The following SLC17A1 variants were observed in gnomAD, a reference collection of about 807,000 sequenced individuals.
SLC17A1 encodes solute carrier family 17 member 1.
A neutral mutation model predicts 53.5 loss-of-function variants in SLC17A1; 51 were observed. That is an observed-to-expected ratio of 0.95 (90% CI 0.76 to 1.20). The LOEUF (loss-of-function observed/expected upper bound fraction) is 1.20. SLC17A1 is among the 50% of genes most tolerant of loss of function. The probability of loss-of-function intolerance (pLI) is 0.00; values close to 1 mark genes in which losing one functional copy is unlikely to be tolerated. For synonymous variants in SLC17A1, 179 were observed against 198.8 expected, an observed-to-expected ratio of 0.90 and a Z score of 0.84; for missense variants, 538 against 568.2, an observed-to-expected ratio of 0.95 and a Z score of 0.54.
the SLC17A1 span, among the ~76,000 whole-genome samples, chr6:25,767,671 G>C: frequency 1.4e-4 from 22 of 152,200 alleles, no homozygotes; most frequent in Admixed American, 1.4e-3. Flanking sequence ...AGCATACCTA[G>C]TGGTGTAATG....
chr6:25,771,467 G>A, the SLC17A1 span, among the ~76,000 whole-genome samples: 3 of 151,924 alleles, frequency 2.0e-5, no homozygotes, highest in Non-Finnish European at 4.4e-5. Flanking sequence ...CCAGCTACTC[G>A]GGAGGCTGAG....
At chr6:25,746,408 C>A in the SLC17A1 span, among the ~76,000 whole-genome samples, 32 of 152,194 alleles carry the variant, frequency 2.1e-4, no homozygotes, top group African/African-American at 7.0e-4. Context: ...ATATTCCTGA[C>A]AATAGTTGCT....
chr6:25,790,161 ATCT>A (rs1173385822), intron 12 of SLC17A1, among the ~76,000 whole-genome samples: 1 of 152,180 alleles, frequency 6.6e-6, no homozygotes, highest in Non-Finnish European at 1.5e-5. Context: ...CCCTTAAGTC[ATCT>A]TTGTTCAACT....
At chr6:25,727,397 G>A in the SLC17A1 span, 23 of 966,554 alleles carry the variant, frequency 2.4e-5, no homozygotes, top group East Asian at 5.8e-4. Flanking sequence ...CTAACCGTAA[G>A]GGTTTTTTTT....
At chr6:25,776,569 C>A in the SLC17A1 span, 1 of 1,578,618 alleles carries the variant, frequency 6.3e-7, no homozygotes. Flanking sequence ...AGGGCACATG[C>A]ACCTGACCTA....
the SLC17A1 span, among the ~76,000 whole-genome samples, chr6:25,771,357 T>G: frequency 6.6e-6 from 1 of 152,148 alleles, no homozygotes; most frequent in African/African-American, 2.4e-5. Flanking sequence ...GTGGATCACA[T>G]GAGTCCAGGA....
the SLC17A1 span, among the ~76,000 whole-genome samples, chr6:25,758,049 C>T: frequency 9.9e-5 from 15 of 152,214 alleles, no homozygotes; most frequent in African/African-American, 2.9e-4. Context: ...TGCCGTGGGA[C>T]GTATCACAGC....
the SLC17A1 span, among the ~76,000 whole-genome samples, chr6:25,727,495 C>T: frequency 1.3e-5 from 2 of 151,534 alleles, no homozygotes; most frequent in African/African-American, 4.9e-5. Flanking sequence ...GAGTTCACGC[C>T]ATTCTCCTGC....
intron 12 of SLC17A1, among the ~76,000 whole-genome samples, chr6:25,793,448 A>T (rs1228325080): frequency 6.6e-6 from 1 of 152,152 alleles, no homozygotes; most frequent in Admixed American, 6.5e-5. Context: ...TATCCTCGGA[A>T]TACTCACTGA....
the SLC17A1 span, among the ~76,000 whole-genome samples, chr6:25,759,931 C>T: frequency 1.6e-4 from 25 of 152,118 alleles, no homozygotes; most frequent in African/African-American, 5.3e-4. Context: ...TTAGTTAGCT[C>T]CTGACTTTTT....
the SLC17A1 span, chr6:25,726,364 A>G: frequency 1.5e-5 from 25 of 1,614,152 alleles, no homozygotes; most frequent in East Asian, 3.3e-4. Flanking sequence ...ATACTCTAAC[A>G]CTGCCGCCAA....
rs377335499 is a variant in SLC17A1 at position 25,811,661 on chromosome 6, A to G, written c.1007T>C (p.Val336Ala). Reference sequence around the variant, plus strand: ...ACCTGCTGCTGTGAAGAGTTTCCGGACAGCAATTACGCTGAGAATATTCCT... The same window carrying G: ...ACCTGCTGCTGTGAAGAGTTTCCGGGCAGCAATTACGCTGAGAATATTCCT... ...LTRNILSVIA[V>A]RKLFTAAGFL... The change falls in exon 9 of 13, where the codon GTC (valine) becomes GCC (alanine). Residue 336 changes from valine (V) to alanine (A), a missense_variant. Physicochemically the swap from Val to Ala is moderately conservative, Grantham distance 64 (BLOSUM62 0). Coordinates refer to ENST00000244527, the MANE Select transcript of SLC17A1 (RefSeq NM_005074.5). The G allele has an allele frequency of 7.7e-5, 124 of 1,613,940 alleles. No individual in the cohort carries two copies. In the African/African-American group the frequency reaches 1.2e-3, roughly 16 times the overall value.
intron 12 of SLC17A1, among the ~76,000 whole-genome samples, chr6:25,789,417 T>C (rs1429074215): frequency 2.0e-5 from 3 of 151,482 alleles, no homozygotes; most frequent in Non-Finnish European, 3.0e-5. Flanking sequence ...TTCCAAAGTA[T>C]GTAAATATTT....
chr6:25,779,123 T>C (rs1763172177), downstream of SLC17A1: 4 of 1,613,956 alleles, frequency 2.5e-6, no homozygotes, highest in Middle Eastern at 3.3e-4. Flanking sequence ...CCTGGTTTTC[T>C]ACCTCATCTT....
chr6:25,807,392 G>A (rs906918946), intron 10 of SLC17A1, among the ~76,000 whole-genome samples: 1 of 152,058 alleles, frequency 6.6e-6, no homozygotes, highest in Non-Finnish European at 1.5e-5. Flanking sequence ...GCAGTAACTT[G>A]GATGAAGCGG....
chr6:25,752,010 T>A, the SLC17A1 span, among the ~76,000 whole-genome samples: 1 of 152,212 alleles, frequency 6.6e-6, no homozygotes, highest in Admixed American at 6.5e-5. Context: ...AATTTGGAAA[T>A]GTGGTTTTGC....
At chr6:25,776,142 G>A in the SLC17A1 span, among the ~76,000 whole-genome samples, 2 of 123,364 alleles carry the variant, frequency 1.6e-5, no homozygotes, top group Admixed American at 1.6e-4. Context: ...TTAGCACAGA[G>A]CATGCCAAAA....
At chr6:25,811,876 T>C in intron 8 of SLC17A1, 106 bp from the exon 9 acceptor site, 1 of 1,225,554 alleles carries the variant, frequency 8.2e-7, no homozygotes, top group East Asian at 2.5e-5. Context: ...TGTACTTTCA[T>C]ATAGGAAATC....
chr6:25,776,091 G>T, the SLC17A1 span, among the ~76,000 whole-genome samples: 1 of 151,964 alleles, frequency 6.6e-6, no homozygotes, highest in Non-Finnish European at 1.5e-5. Flanking sequence ...GCCCTCAATA[G>T]AGCACCAGTA....
Sources: gnomAD v4.1 joint callset for allele counts (sites outside exome capture counted in the v4.1 genomes callset) on GRCh38, gnomAD v4.1.1 for gene constraint, MANE v1.5 for transcripts, NCBI Gene and HGNC (gene_info 2026-07-23, HGNC 2026-07-21) for gene names.